KCNH7: variants seen among roughly 807,000 people sequenced by gnomAD.
KCNH7 encodes potassium voltage-gated channel subfamily H member 7, also known as voltage-gated inwardly rectifying potassium channel KCNH7.
A neutral mutation model predicts 120.8 loss-of-function variants in KCNH7; 49 were observed. That is an observed-to-expected ratio of 0.41 (90% CI 0.32 to 0.51). The LOEUF (loss-of-function observed/expected upper bound fraction) is 0.51. Ranked by LOEUF, KCNH7 falls within the 20% of genes least tolerant of loss-of-function variation. The probability of loss-of-function intolerance (pLI) is 0.38; values close to 1 mark genes in which losing one functional copy is unlikely to be tolerated. For synonymous variants in KCNH7, 547 were observed against 516.1 expected (o/e 1.06, Z -0.81); for missense variants, 1,097 against 1,446.6 (o/e 0.76, Z 3.92).
intron 14 of KCNH7, among the ~76,000 whole-genome samples, chr2:162,374,663 TTG>T (rs1375961768): frequency 6.6e-6 from 1 of 152,210 alleles, no homozygotes; most frequent in African/African-American, 2.4e-5. Context: ...AAATTAGCTT[TTG>T]ATTTGATAGA....
intron 6 of KCNH7, among the ~76,000 whole-genome samples, chr2:162,450,805 G>T (rs1688742063): frequency 6.6e-6 from 1 of 151,984 alleles, no homozygotes; most frequent in South Asian, 2.1e-4. Flanking sequence ...AAAAATGAAA[G>T]AGGATCAAGA....
rs1381086472 is a variant in KCNH7, at chr2:162,695,954, G to A, written c.307+140583C>T. ...AAAGAAGCTGCATGTAGTTAGAAAA[G>A]AAATCCTGAACCCTAACTATTCCTA... On this transcript the variant is annotated intron_variant, in intron 2 of 15. Transcript: ENST00000332142. Among the ~76,000 whole-genome samples the A allele has an allele frequency of 2.0e-5, 3 of 152,136 alleles. No homozygotes were observed. In the East Asian group the frequency reaches 5.8e-4, roughly 29 times the overall value.
chr2:162,611,909 G>T (rs1036855223), intron 2 of KCNH7, among the ~76,000 whole-genome samples: 4 of 152,172 alleles, frequency 2.6e-5, no homozygotes, highest in African/African-American at 9.7e-5. Flanking sequence ...AAATTGAGTT[G>T]TCTTAATTTA....
chr2:162,555,869 A>G (rs1692838806), intron 2 of KCNH7, among the ~76,000 whole-genome samples: 1 of 151,978 alleles, frequency 6.6e-6, no homozygotes, highest in Non-Finnish European at 1.5e-5. Context: ...TAACAGGATC[A>G]TTTTTCCTGT....
intron 9 of KCNH7, among the ~76,000 whole-genome samples, chr2:162,421,895 A>G (rs565645727): frequency 6.6e-6 from 1 of 152,286 alleles, no homozygotes; most frequent in East Asian, 1.9e-4. Context: ...AATGAGTGAC[A>G]TGTTTTGATT....
chr2:162,609,646 A>G (rs1306255627), intron 2 of KCNH7, among the ~76,000 whole-genome samples: 2 of 152,326 alleles, frequency 1.3e-5, no homozygotes, highest in East Asian at 1.9e-4. Flanking sequence ...CTAAGAGAGC[A>G]TAAATGAAGT....
chr2:162,749,075 A>G (rs12614204), intron 2 of KCNH7, among the ~76,000 whole-genome samples: 4 of 145,752 alleles, frequency 2.7e-5, no homozygotes, highest in East Asian at 4.2e-4. Flanking sequence ...AAGCAAGTAC[A>G]TATTCTAAAC....
intron 12 of KCNH7, among the ~76,000 whole-genome samples, chr2:162,390,932 C>A (rs1328206113): frequency 6.6e-6 from 1 of 151,950 alleles, no homozygotes; most frequent in Non-Finnish European, 1.5e-5. Context: ...ATATCTTATT[C>A]AATGTGAGCT....
intron 2 of KCNH7, among the ~76,000 whole-genome samples, chr2:162,571,020 A>G (rs1479497570): frequency 6.6e-6 from 1 of 152,164 alleles, no homozygotes; most frequent in East Asian, 1.9e-4. Context: ...ACTCCTATTC[A>G]ACATAGTGTT....
chr2:162,699,060 T>C (rs1271520389), intron 2 of KCNH7, among the ~76,000 whole-genome samples: 4 of 152,146 alleles, frequency 2.6e-5, no homozygotes, highest in Non-Finnish European at 4.4e-5. Context: ...TTACCTCACA[T>C]GCTTATCATT....
intron 2 of KCNH7, chr2:162,785,149 A>G (rs958508636): frequency 1.3e-5 from 2 of 152,226 alleles, no homozygotes; most frequent in Admixed American, 1.3e-4. Context: ...GGTCTTTTCT[A>G]TTCAAAGATA....
intron 2 of KCNH7, among the ~76,000 whole-genome samples, chr2:162,818,677 T>C (rs1453478388): frequency 6.6e-6 from 1 of 152,202 alleles, no homozygotes; most frequent in Non-Finnish European, 1.5e-5. Flanking sequence ...CAAGTTCCAA[T>C]TCATGAATAT....
At position 162,510,610 on chromosome 2, in the gene KCNH7, AT is replaced by A. The variant is rs887341960; in HGVS notation, c.913+2043del. ...CGTTATTTATTTAATTCAGAATTAA[AT>A]AATTAGAATTAAATTCAACCAAAAA... On this transcript the variant is annotated intron_variant, in intron 5 of 15. Coordinates refer to ENST00000332142, the MANE Select transcript of KCNH7 (RefSeq NM_033272.4). Among the ~76,000 whole-genome samples, 16 of 151,880 alleles carry A rather than the reference AT, an allele frequency of 1.1e-4. No homozygotes were observed. In the East Asian group the frequency reaches 2.3e-3, roughly 22 times the overall value.
intron 2 of KCNH7, 57 bp downstream of exon 2, chr2:162,836,480 T>C: frequency 7.2e-7 from 1 of 1,393,208 alleles, no homozygotes; most frequent in Non-Finnish European, 1.0e-6. Flanking sequence ...CTTTTAATAG[T>C]CAAAATTTCT....
chr2:162,518,075 C>A lies in KCNH7; in HGVS notation c.547G>T (p.Val183Leu). The A allele has an allele frequency of 6.2e-7, 1 of 1,612,276 alleles. No individual in the cohort carries two copies. The highest frequency in any genetic ancestry group is 8.5e-7 in the Non-Finnish European group (1 of 1,178,770). The change falls in exon 4 of 16, where the codon GTG becomes TTG. Residue 183 changes from valine (V) to leucine (L), a missense_variant. This residue lies in a region of KCNH7 where 362 missense variants were observed against 372.2 expected (regional missense o/e 0.97). Coordinates refer to ENST00000332142, the MANE Select transcript of KCNH7 (RefSeq NM_033272.4). ...CTGTGTTTAGATGAATCGATGACCACCACATCGGGGTCTTCTTGTGGTAAG... is the reference window on the plus strand; with the variant it reads ...CTGTGTTTAGATGAATCGATGACCAACACATCGGGGTCTTCTTGTGGTAAG... ...QSLPQEDPDV[V>L]VIDSSKHSDD...
At chr2:162,425,591 G>C (rs370071933) in intron 8 of KCNH7, among the ~76,000 whole-genome samples, 1 of 152,120 alleles carries the variant, frequency 6.6e-6, no homozygotes, top group Non-Finnish European at 1.5e-5. Flanking sequence ...AAACAATTAC[G>C]TGTGATGCTA....
At chr2:162,571,944 T>G (rs1401226778) in intron 2 of KCNH7, among the ~76,000 whole-genome samples, 1 of 151,808 alleles carries the variant, frequency 6.6e-6, no homozygotes, top group African/African-American at 2.4e-5. Flanking sequence ...ATAAAAACCC[T>G]AGAAGAAAAC....
intron 8 of KCNH7, 44 bp from the exon 9 acceptor site, chr2:162,423,579 G>A: frequency 6.5e-7 from 1 of 1,540,706 alleles, no homozygotes; most frequent in Admixed American, 1.7e-5. Flanking sequence ...ACTGCACATA[G>A]GTGTGTTATA....
intron 2 of KCNH7, among the ~76,000 whole-genome samples, chr2:162,773,484 G>A (rs1683133556): frequency 6.6e-6 from 1 of 152,098 alleles, no homozygotes; most frequent in Non-Finnish European, 1.5e-5. Context: ...GAGTGAGACT[G>A]TCTAAAAAAA....
Sources: gnomAD v4.1 joint callset for allele counts (sites outside exome capture counted in the v4.1 genomes callset) on GRCh38, gnomAD v4.1.1 for gene constraint, gnomAD v4.1.1 regional missense constraint, MANE v1.5 for transcripts, NCBI Gene and HGNC (gene_info 2026-07-23, HGNC 2026-07-21) for gene names.